The following PATJ variants were observed in gnomAD, a reference collection of about 807,000 sequenced individuals.
The protein encoded by PATJ is PATJ crumbs cell polarity complex component.
PATJ carries 190 observed loss-of-function variants against 224.9 expected under a neutral mutation model. The observed-to-expected ratio is 0.84, with a 90% CI of 0.75 to 0.95. The LOEUF is 0.95. Among genes scored for constraint, PATJ ranks in the 40% least tolerant of loss-of-function variants. The pLI is 0.00. For missense variants in PATJ, 2,121 were observed against 2,270.3 expected (o/e 0.93, Z 1.34); for synonymous variants, 769 against 820.3 (o/e 0.94, Z 1.07).
chr1:62,155,102 T>G (rs1490666386), intron 43 of PATJ, among the ~76,000 whole-genome samples: 1 of 152,200 alleles, frequency 6.6e-6, no homozygotes, highest in African/African-American at 2.4e-5. Flanking sequence ...AGGGCATTAT[T>G]ATACTTTGCT....
chr1:61,982,030 C>A (rs1436049866), intron 27 of PATJ, among the ~76,000 whole-genome samples: 1 of 151,910 alleles, frequency 6.6e-6, no homozygotes, highest in Non-Finnish European at 1.5e-5. Context: ...GGGCAGGACA[C>A]CTGTCACATA....
intron 1 of PATJ, among the ~76,000 whole-genome samples, chr1:61,749,031 C>G (rs1645179532): frequency 6.6e-6 from 1 of 151,648 alleles, no homozygotes; most frequent in South Asian, 2.1e-4. Context: ...GGCTGCAGTG[C>G]TGTGGCACCA....
chr1:61,774,115 A>C, intron 6 of PATJ, among the ~76,000 whole-genome samples: 1 of 91,158 alleles, frequency 1.1e-5, no homozygotes, highest in East Asian at 3.1e-4. Flanking sequence ...GCAAGACTCC[A>C]TCTCAAAAAA....
At chr1:62,055,217 T>C (rs1202536053) in intron 31 of PATJ, among the ~76,000 whole-genome samples, 1 of 152,158 alleles carries the variant, frequency 6.6e-6, no homozygotes, top group Non-Finnish European at 1.5e-5. Flanking sequence ...ATCAAAAAAC[T>C]GGAAATTGGG....
chr1:62,036,198 GTGGAGAATGGGT>G (rs1650351656), intron 29 of PATJ, among the ~76,000 whole-genome samples: 1 of 152,204 alleles, frequency 6.6e-6, no homozygotes, highest in African/African-American at 2.4e-5. Context: ...ACTTTGCTGG[GTGGAGAATGGGT>G]TGGAGAGAAG....
chr1:61,867,205 G>C (rs1665566316), intron 20 of PATJ, among the ~76,000 whole-genome samples: 1 of 152,214 alleles, frequency 6.6e-6, no homozygotes, highest in Admixed American at 6.5e-5. Context: ...TCAAGATGGA[G>C]TTGCTCTGGT....
intron 15 of PATJ, 91 bp downstream of exon 15, chr1:61,823,170 C>T: frequency 1.6e-6 from 2 of 1,269,622 alleles, no homozygotes; most frequent in East Asian, 2.3e-5. Flanking sequence ...GTTATAGTGT[C>T]ACCAATGCCA....
rs1669991331 is a variant in PATJ, at chr1:62,163,699, AACTT to A, written c.*2649_*2652del. On this transcript the variant is annotated 3_prime_UTR_variant, in exon 44 of 44. Coordinates refer to ENST00000642238, the MANE Select transcript of PATJ (RefSeq NM_001350145.3). ...TTCCAAAAAGATATTTTTGCCTCAG[AACTT>A]ACTGACAAGCTGAGAGGCTATGAAG... The A allele has an allele frequency of 6.6e-6, 1 of 152,216 alleles. No homozygotes were observed. The highest frequency in any genetic ancestry group is 1.5e-5 in the Non-Finnish European group (1 of 68,026). The allele number at this position is 152,216 out of a possible 1,614,324, so 9.4% of individuals were successfully genotyped here.
chr1:61,789,724 A>G (rs755733605), intron 8 of PATJ, among the ~76,000 whole-genome samples: 3 of 152,062 alleles, frequency 2.0e-5, no homozygotes, highest in Admixed American at 6.6e-5. Flanking sequence ...AGACAGGAGA[A>G]TCACTTGAAC....
At chr1:62,050,597 A>T (rs1474761600) in intron 30 of PATJ, among the ~76,000 whole-genome samples, 1 of 152,226 alleles carries the variant, frequency 6.6e-6, no homozygotes, top group East Asian at 1.9e-4. Flanking sequence ...ACTTTTCCAC[A>T]CATCTCCAGC....
At chr1:62,148,205 C>A in intron 41 of PATJ, 79 bp from the exon 42 acceptor site, 3 of 827,438 alleles carry the variant, frequency 3.6e-6, no homozygotes, top group South Asian at 1.4e-5. Context: ...GGATTGAGAA[C>A]TGACCCTTGG....
At chr1:62,158,538 T>C (rs1669487617) in intron 43 of PATJ, among the ~76,000 whole-genome samples, 1 of 147,606 alleles carries the variant, frequency 6.8e-6, no homozygotes, top group African/African-American at 2.4e-5. Flanking sequence ...GCTAACACGG[T>C]AAAAAACTCC....
chr1:61,895,371 A>C (rs1357947984), intron 22 of PATJ, among the ~76,000 whole-genome samples: 1 of 152,234 alleles, frequency 6.6e-6, no homozygotes, highest in African/African-American at 2.4e-5. Context: ...TCACAGTCCC[A>C]GAGGCCTAGG....
At chr1:62,106,079 TACACACACACACAC>T (rs1229837123) in intron 33 of PATJ, among the ~76,000 whole-genome samples, 1 of 20,770 alleles carries the variant, frequency 4.8e-5, no homozygotes, top group African/African-American at 1.5e-4. Context: ...TATATATATA[TACACACACACACAC>T]ACACACACAC....
Position 61,811,757 on chromosome 1 carries a change from C to T in PATJ, c.1683+3227C>T, listed in dbSNP as rs528511591. On this transcript the variant is annotated intron_variant, in intron 14 of 43. Coordinates refer to ENST00000642238, the MANE Select transcript of PATJ (RefSeq NM_001350145.3). ...ACATTATAATTCTCCAGCTAAATTC[C>T]CAAAGTAAAAAAAAAAAATCTAGGC... Among the ~76,000 whole-genome samples, 4 of 148,518 alleles carry T rather than the reference C, an allele frequency of 2.7e-5. No individual in the cohort carries two copies. In the South Asian group the frequency reaches 8.7e-4, roughly 32 times the overall value.
chr1:62,084,923 G>C (rs930927660), intron 33 of PATJ, among the ~76,000 whole-genome samples: 13 of 152,128 alleles, frequency 8.5e-5, no homozygotes, highest in African/African-American at 2.9e-4. Flanking sequence ...TTCAAGACCA[G>C]CCTGGGCAAC....
chr1:62,083,189 C>T (rs924272130), intron 32 of PATJ, among the ~76,000 whole-genome samples: 2 of 152,194 alleles, frequency 1.3e-5, no homozygotes, highest in African/African-American at 2.4e-5. Flanking sequence ...TGCAATGGCG[C>T]GATCTCAGCT....
chr1:62,028,964 AATAC>A (rs66669120), intron 29 of PATJ, among the ~76,000 whole-genome samples: 10 of 147,660 alleles, frequency 6.8e-5, no homozygotes, highest in East Asian at 2.0e-4. Context: ...CCTGTCTCAA[AATAC>A]ATACATACAT....
intron 7 of PATJ, among the ~76,000 whole-genome samples, chr1:61,779,951 C>G (rs948951331): frequency 2.0e-5 from 3 of 152,020 alleles, no homozygotes; most frequent in African/African-American, 7.3e-5. Flanking sequence ...TGAGAACTCA[C>G]TGCACTAAGT....
Sources: allele counts gnomAD v4.1 joint callset (sites outside exome capture counted in the v4.1 genomes callset), GRCh38; gene constraint gnomAD v4.1.1; transcripts MANE v1.5; gene names NCBI Gene and HGNC (gene_info 2026-07-23, HGNC 2026-07-21).